The following SLC7A2 variants were observed in gnomAD, a reference collection of about 807,000 sequenced individuals.
SLC7A2 encodes the protein solute carrier family 7 member 2.
In SLC7A2, 48 loss-of-function variants were observed where a neutral mutation model predicts 58.9. The ratio of observed to expected loss-of-function variants is 0.82; its 90% CI spans 0.65 to 1.04. The LOEUF is 1.04. SLC7A2 is among the 50% of genes least tolerant of loss of function. The pLI, the probability that SLC7A2 is intolerant of heterozygous loss-of-function variation, is 0.00. For synonymous variants in SLC7A2, 363 were observed against 314.5 expected (o/e 1.15, Z -1.63); for missense variants, 1,029 against 818.8 (o/e 1.26, Z -3.13).
At chr8:17,559,496 G>C (rs573220790) in intron 9 of SLC7A2, among the ~76,000 whole-genome samples, 48 of 152,266 alleles carry the variant, frequency 3.2e-4, no homozygotes, top group Non-Finnish European at 6.6e-4. Context: ...AACCCAGGAG[G>C]CAGAGGTTGC....
intron 2 of SLC7A2, among the ~76,000 whole-genome samples, chr8:17,522,695 C>T (rs1232772741): frequency 6.6e-6 from 1 of 151,588 alleles, no homozygotes; most frequent in Non-Finnish European, 1.5e-5. Context: ...TAGCTAATAG[C>T]TAGTGAGGGA....
rs1803127764 is a variant in SLC7A2 at position 17,563,641 on chromosome 8, G to C, written c.1710G>C (p.Leu570Phe). ...CATTTTTGCCAGCGTTCAGCATCTTGGTGAACATTTACTTGATGGTCCAGT... is the reference window on the plus strand; with the variant it reads ...CATTTTTGCCAGCGTTCAGCATCTTCGTGAACATTTACTTGATGGTCCAGT... ...FLPFLPAFSILVNIYLMVQLS... is the reference protein window; with the variant it reads ...FLPFLPAFSIFVNIYLMVQLS... The change falls in exon 12 of 13, where the codon TTG (leucine) becomes TTC (phenylalanine). Residue 570 changes from leucine (L) to phenylalanine (F), a missense_variant. Leu to Phe is a conservative substitution (Grantham distance 22). Coordinates refer to ENST00000494857, the MANE Select transcript of SLC7A2 (RefSeq NM_001370338.1). The C allele has an allele frequency of 3.1e-6, 5 of 1,613,400 alleles. No homozygotes were observed. The highest frequency in any genetic ancestry group is 4.2e-6 in the Non-Finnish European group (5 of 1,179,642).
intron 2 of SLC7A2, among the ~76,000 whole-genome samples, chr8:17,542,197 AG>A (rs1243148683): frequency 6.6e-6 from 1 of 152,238 alleles, no homozygotes; most frequent in Admixed American, 6.5e-5. Flanking sequence ...AAATGAAAAC[AG>A]AGAAGCTCAC....
chr8:17,556,862 G>A (rs921756371), intron 8 of SLC7A2, among the ~76,000 whole-genome samples: 6 of 152,070 alleles, frequency 3.9e-5, no homozygotes, highest in African/African-American at 9.7e-5. Context: ...GCCCGGCCCC[G>A]CCTCCCAAAC....
chr8:17,563,080 C>A (rs1259399428), intron 11 of SLC7A2, among the ~76,000 whole-genome samples: 1 of 152,182 alleles, frequency 6.6e-6, no homozygotes, highest in Non-Finnish European at 1.5e-5. Context: ...GAGTTCAAGG[C>A]TGCAGTGAGC....
intron 2 of SLC7A2, among the ~76,000 whole-genome samples, chr8:17,542,488 G>T (rs114662891): frequency 0.01 from 1,543 of 152,006 alleles, 20 homozygotes; most frequent in African/African-American, 0.035. Flanking sequence ...CTGTCTCTAC[G>T]AAAAATAAAG....
chr8:17,527,787 C>T (rs1042483152), intron 2 of SLC7A2, among the ~76,000 whole-genome samples: 2 of 152,140 alleles, frequency 1.3e-5, no homozygotes, highest in Non-Finnish European at 2.9e-5. Flanking sequence ...CTTGATAACG[C>T]CTGCAAAGAC....
At position 17,568,177 on chromosome 8, in the gene SLC7A2, A is replaced by T. The variant is rs1029420857; in HGVS notation, c.*3031A>T. 1.3e-5 allele frequency: 2 copies of T among 152,140 alleles called. No homozygotes were observed. The highest frequency in any genetic ancestry group is 2.9e-5 in the Non-Finnish European group (2 of 68,030). 9.4% of individuals were successfully genotyped at this position (152,140 alleles called of 1,614,324 possible). ...AGCTTAAATTACTTTTCTTTTCTAC[A>T]TTAAGAAATATATTCTCAACATTTT... On this transcript the variant is annotated 3_prime_UTR_variant, in exon 13 of 13. Coordinates refer to ENST00000494857, the MANE Select transcript of SLC7A2 (RefSeq NM_001370338.1).
At chr8:17,560,030 T>G (rs1158601099) in intron 9 of SLC7A2, among the ~76,000 whole-genome samples, 4 of 152,232 alleles carry the variant, frequency 2.6e-5, no homozygotes, top group African/African-American at 9.6e-5. Context: ...ATAGGTAATT[T>G]CAGAATAATC....
At chr8:17,523,160 A>T (rs1457938630) in intron 2 of SLC7A2, among the ~76,000 whole-genome samples, 1 of 152,188 alleles carries the variant, frequency 6.6e-6, no homozygotes, top group Non-Finnish European at 1.5e-5. Context: ...TTTAAAAAAA[A>T]GGAGGGAGAA....
intron 10 of SLC7A2, among the ~76,000 whole-genome samples, chr8:17,560,886 A>G (rs915391038): frequency 1.3e-5 from 2 of 152,212 alleles, no homozygotes; most frequent in African/African-American, 2.4e-5. Context: ...CCAATAATAT[A>G]GAAAATCCTT....
intron 2 of SLC7A2, among the ~76,000 whole-genome samples, chr8:17,517,305 G>A (rs996041995): frequency 1.3e-5 from 2 of 152,182 alleles, no homozygotes; most frequent in South Asian, 4.1e-4. Context: ...CACAAAAGAT[G>A]TGATTTGTAG....
upstream of SLC7A2, among the ~76,000 whole-genome samples, chr8:17,495,629 A>T (rs1210768690): frequency 6.6e-6 from 1 of 152,144 alleles, no homozygotes; most frequent in Non-Finnish European, 1.5e-5. Flanking sequence ...GGCTCACTGC[A>T]ACCTCCGCCT....
intron 7 of SLC7A2, among the ~76,000 whole-genome samples, chr8:17,553,422 C>G (rs1802542854): frequency 6.6e-6 from 1 of 152,078 alleles, no homozygotes; most frequent in Non-Finnish European, 1.5e-5. Flanking sequence ...CTACCATGGC[C>G]TTAGAAGGGA....
chr8:17,527,087 T>C (rs1394007450), intron 2 of SLC7A2, among the ~76,000 whole-genome samples: 2 of 152,174 alleles, frequency 1.3e-5, no homozygotes, highest in Admixed American at 6.6e-5. Context: ...TGGATTAACA[T>C]AGAAGACCTG....
At chr8:17,522,800 C>G (rs1208708655) in intron 2 of SLC7A2, among the ~76,000 whole-genome samples, 1 of 152,098 alleles carries the variant, frequency 6.6e-6, no homozygotes, top group Non-Finnish European at 1.5e-5. Flanking sequence ...CTTTGGGAAG[C>G]TGAGATATGA....
At chr8:17,531,310 G>C in intron 2 of SLC7A2, among the ~76,000 whole-genome samples, 1 of 152,150 alleles carries the variant, frequency 6.6e-6, no homozygotes, top group South Asian at 2.1e-4. Flanking sequence ...TGTAATACAA[G>C]GCCACTATAA....
chr8:17,546,271 G>A (rs561556066), intron 4 of SLC7A2, among the ~76,000 whole-genome samples: 45 of 152,298 alleles, frequency 3.0e-4, no homozygotes, highest in African/African-American at 1.1e-3. Context: ...CAAGACTCAG[G>A]TCTTGGCTCA....
chr8:17,505,996 G>A (rs1800350015), intron 2 of SLC7A2, among the ~76,000 whole-genome samples: 1 of 152,218 alleles, frequency 6.6e-6, no homozygotes, highest in Non-Finnish European at 1.5e-5. Context: ...TTTTAATGCT[G>A]ATTTAGCTAC....
Sources: gnomAD v4.1 joint callset for allele counts (sites outside exome capture counted in the v4.1 genomes callset) on GRCh38, gnomAD v4.1.1 for gene constraint, MANE v1.5 for transcripts, NCBI Gene and HGNC (gene_info 2026-07-23, HGNC 2026-07-21) for gene names.